The following CDH12 variants were observed in gnomAD, a reference collection of about 807,000 sequenced individuals.
CDH12 encodes the protein cadherin-12.
A neutral mutation model predicts 74.1 loss-of-function variants in CDH12; 41 were observed. That is an observed-to-expected ratio of 0.55 (90% CI 0.43 to 0.72). The LOEUF is 0.72. CDH12 is among the 30% of genes least tolerant of loss of function. CDH12 has a pLI of 0.00. For missense variants in CDH12, 945 were observed against 977.2 expected, an observed-to-expected ratio of 0.97 and a Z score of 0.44; for synonymous variants, 399 against 355.0, an observed-to-expected ratio of 1.12 and a Z score of -1.39.
chr5:22,378,288 T>A (rs368138953), intron 3 of CDH12, among the ~76,000 whole-genome samples: 5 of 152,076 alleles, frequency 3.3e-5, no homozygotes, highest in East Asian at 3.9e-4. Flanking sequence ...AAACTCATAT[T>A]TTTCTTCTGA....
chr5:22,751,874 T>C (rs906625153), intron 1 of CDH12, among the ~76,000 whole-genome samples: 12 of 152,234 alleles, frequency 7.9e-5, no homozygotes, highest in Non-Finnish European at 1.5e-5. Flanking sequence ...ATAAACATTA[T>C]ATAACCACTG....
intron 1 of CDH12, among the ~76,000 whole-genome samples, chr5:22,507,103 C>T (rs1475493215): frequency 6.6e-6 from 1 of 151,996 alleles, no homozygotes; most frequent in Non-Finnish European, 1.5e-5. Context: ...TACTAAAGTT[C>T]ATTACGCTTG....
chr5:22,483,763 T>TATATATATATCTATATATATATAA (rs902754630), intron 2 of CDH12, among the ~76,000 whole-genome samples: 1 of 91,840 alleles, frequency 1.1e-5, no homozygotes, highest in African/African-American at 4.4e-5. Context: ...TATATATATA[T>TATATATATATCTATATATATATAA]AAATTTAATT....
At chr5:22,831,732 T>C (rs1010199435) in intron 1 of CDH12, among the ~76,000 whole-genome samples, 2 of 151,774 alleles carry the variant, frequency 1.3e-5, no homozygotes, top group African/African-American at 4.8e-5. Flanking sequence ...CCGTCTCGAC[T>C]AAAAATACAA....
chr5:22,559,231 T>C (rs557345336), intron 1 of CDH12, among the ~76,000 whole-genome samples: 6 of 152,074 alleles, frequency 3.9e-5, no homozygotes, highest in Non-Finnish European at 8.8e-5. Context: ...CTAGGCTGGT[T>C]GTACAGGAAT....
chr5:22,739,370 AAT>A (rs1235549950), intron 1 of CDH12, among the ~76,000 whole-genome samples: 1 of 151,932 alleles, frequency 6.6e-6, no homozygotes, highest in Non-Finnish European at 1.5e-5. Context: ...TACTACGTAA[AAT>A]ATATGTCAAT....
intron 6 of CDH12, among the ~76,000 whole-genome samples, chr5:21,858,783 T>G (rs1338318402): frequency 6.6e-6 from 1 of 151,968 alleles, no homozygotes; most frequent in African/African-American, 2.4e-5. Context: ...AAAGCAATTT[T>G]GTAAAATTTC....
chr5:22,783,966 T>A (rs1045615841), intron 1 of CDH12, among the ~76,000 whole-genome samples: 24 of 152,096 alleles, frequency 1.6e-4, no homozygotes. Flanking sequence ...GATTTTAAAA[T>A]CAGAAATATA....
intron 1 of CDH12, among the ~76,000 whole-genome samples, chr5:22,576,004 C>T (rs770832927): frequency 4.6e-5 from 7 of 151,988 alleles, no homozygotes; most frequent in Admixed American, 3.9e-4. Context: ...ACATGACCAC[C>T]GCATGAGCCA....
intron 1 of CDH12, among the ~76,000 whole-genome samples, chr5:22,643,490 A>T (rs956672430): frequency 6.6e-6 from 1 of 152,168 alleles, no homozygotes; most frequent in Non-Finnish European, 1.5e-5. Flanking sequence ...TTTGGATACT[A>T]ATATGTGAAT....
intron 8 of CDH12, among the ~76,000 whole-genome samples, chr5:21,839,919 C>A (rs2149982960): frequency 6.6e-6 from 1 of 152,100 alleles, no homozygotes; most frequent in South Asian, 2.1e-4. Context: ...TGTAATACTG[C>A]AACAGAAAAC....
At chr5:22,096,097 C>T (rs767877622) in intron 4 of CDH12, among the ~76,000 whole-genome samples, 25 of 152,084 alleles carry the variant, frequency 1.6e-4, no homozygotes, top group Middle Eastern at 3.4e-3. Flanking sequence ...TATGGGCAAC[C>T]CTTCATTCCT....
At chr5:22,708,437 T>C (rs113744656) in intron 1 of CDH12, among the ~76,000 whole-genome samples, 3,601 of 152,076 alleles carry the variant, frequency 0.024, 104 homozygotes, top group African/African-American at 0.075. Flanking sequence ...GAAAGGGAGG[T>C]CAGAGAGTTT....
chr5:22,749,868 A>G (rs1360272686), intron 1 of CDH12, among the ~76,000 whole-genome samples: 1 of 152,208 alleles, frequency 6.6e-6, no homozygotes, highest in Non-Finnish European at 1.5e-5. Flanking sequence ...TATTTGATAC[A>G]TTACGTTTTC....
At chr5:22,497,910 T>C (rs1023381655) in intron 2 of CDH12, among the ~76,000 whole-genome samples, 1 of 152,082 alleles carries the variant, frequency 6.6e-6, no homozygotes, top group South Asian at 2.1e-4. Flanking sequence ...CCCAAAGTGC[T>C]GGGATTACAG....
At chr5:22,384,295 C>A (rs995727368) in intron 3 of CDH12, among the ~76,000 whole-genome samples, 1 of 151,290 alleles carries the variant, frequency 6.6e-6, no homozygotes, top group East Asian at 1.9e-4. Flanking sequence ...GAGGCCGAGG[C>A]GGGCGGATCA....
intron 4 of CDH12, among the ~76,000 whole-genome samples, chr5:22,173,806 C>A (rs927637835): frequency 6.6e-6 from 1 of 151,630 alleles, no homozygotes; most frequent in Admixed American, 6.6e-5. Context: ...TTTTGCAATA[C>A]TAATTAGTAT....
intron 5 of CDH12, among the ~76,000 whole-genome samples, chr5:22,058,780 G>GAGGGAGGAAAAGGGAGGAAGGA (rs1740947282): frequency 7.0e-6 from 1 of 142,926 alleles, no homozygotes; most frequent in East Asian, 2.2e-4. Context: ...GGGAGGGAGG[G>GAGGGAGGAAAAGGGAGGAAGGA]AGGGAGGAAA....
At chr5:21,859,637 C>G (rs559184700) in intron 6 of CDH12, among the ~76,000 whole-genome samples, 1 of 151,968 alleles carries the variant, frequency 6.6e-6, no homozygotes, top group Non-Finnish European at 1.5e-5. Flanking sequence ...TGCGACATTA[C>G]ATTCTGCTGG....
Sources: gnomAD v4.1 joint callset for allele counts (sites outside exome capture counted in the v4.1 genomes callset) on GRCh38, gnomAD v4.1.1 for gene constraint, MANE v1.5 for transcripts, NCBI Gene and HGNC (gene_info 2026-07-23, HGNC 2026-07-21) for gene names.